The following ACOXL variants were observed in gnomAD, a reference collection of about 807,000 sequenced individuals.
ACOXL encodes acyl-CoA oxidase like.
A neutral mutation model predicts 71.9 loss-of-function variants in ACOXL; 70 were observed. That is an observed-to-expected ratio of 0.97 (90% CI 0.80 to 1.19). The LOEUF is 1.19. Among genes scored for constraint, ACOXL ranks in the 50% most tolerant of loss-of-function variants. ACOXL has a pLI of 0.00. For missense variants in ACOXL, 703 were observed against 736.3 expected, an observed-to-expected ratio of 0.95 and a Z score of 0.52; for synonymous variants, 253 against 281.6, an observed-to-expected ratio of 0.90 and a Z score of 1.02.
intron 11 of ACOXL, among the ~76,000 whole-genome samples, chr2:110,922,349 A>G (rs1432669910): frequency 1.3e-5 from 2 of 152,144 alleles, no homozygotes; most frequent in Non-Finnish European, 2.9e-5. Flanking sequence ...TGATGATGAA[A>G]CCGGAAAATT....
At chr2:110,823,771 C>T (rs1299311921) in intron 9 of ACOXL, among the ~76,000 whole-genome samples, 1 of 152,176 alleles carries the variant, frequency 6.6e-6, no homozygotes, top group Admixed American at 6.5e-5. Flanking sequence ...ATATTTTTGG[C>T]AAGTATCTGT....
At chr2:111,033,431 G>A (rs1015322465) in intron 15 of ACOXL, among the ~76,000 whole-genome samples, 1 of 152,090 alleles carries the variant, frequency 6.6e-6, no homozygotes, top group Non-Finnish European at 1.5e-5. Flanking sequence ...TCTGTTCTAC[G>A]AGCATATCTT....
chr2:111,105,335 T>C (rs904099097), intron 17 of ACOXL, among the ~76,000 whole-genome samples: 1 of 152,178 alleles, frequency 6.6e-6, no homozygotes, highest in Non-Finnish European at 1.5e-5. Flanking sequence ...TTTATAGAAA[T>C]TTTAGGATAA....
At chr2:111,016,368 C>T (rs1376682240) in intron 14 of ACOXL, 1 of 152,130 alleles carries the variant, frequency 6.6e-6, no homozygotes, top group African/African-American at 2.4e-5. Flanking sequence ...GGCATATGTG[C>T]ATGTAAGGAA....
intron 16 of ACOXL, among the ~76,000 whole-genome samples, chr2:111,079,789 A>G (rs1167415154): frequency 6.6e-6 from 1 of 151,568 alleles, no homozygotes; most frequent in African/African-American, 2.4e-5. Context: ...ACCCAGAACC[A>G]GAGCCCATAG....
At chr2:111,019,082 TC>T (rs1194704831) in intron 14 of ACOXL, among the ~76,000 whole-genome samples, 2 of 152,200 alleles carry the variant, frequency 1.3e-5, no homozygotes, top group Non-Finnish European at 2.9e-5. Flanking sequence ...CTTTAAGCAG[TC>T]ACTAAGGGCA....
At chr2:110,893,891 A>T (rs1449577175) in intron 10 of ACOXL, among the ~76,000 whole-genome samples, 2 of 152,174 alleles carry the variant, frequency 1.3e-5, no homozygotes, top group Non-Finnish European at 2.9e-5. Flanking sequence ...TTAAATTAGT[A>T]GTACATCTTT....
rs1348310639 is a variant in ACOXL at position 111,001,414 on chromosome 2, A to G, written c.1281+5410A>G. Among the ~76,000 whole-genome samples, 6 of 152,060 alleles carry G rather than the reference A, an allele frequency of 3.9e-5. No individual in the cohort carries two copies. The East Asian group carries it at 1.2e-3, about 29-fold the overall frequency. The stretch of plus-strand genomic sequence containing the variant: ...AAACAAAACAAAACAAAACAAAACA[A>G]AAAAACCCTAGCTATAAACAAGTGC... On this transcript the variant is annotated intron_variant, in intron 14 of 17. Transcript: ENST00000439055.
chr2:110,871,740 G>C (rs934522627), intron 10 of ACOXL, among the ~76,000 whole-genome samples: 9 of 152,306 alleles, frequency 5.9e-5, no homozygotes, highest in African/African-American at 1.9e-4. Context: ...TCAGAGATGA[G>C]AGCGCCATAG....
At chr2:111,042,533 A>G (rs2065832625) in intron 15 of ACOXL, among the ~76,000 whole-genome samples, 2 of 152,200 alleles carry the variant, frequency 1.3e-5, no homozygotes, top group Non-Finnish European at 2.9e-5. Flanking sequence ...AGTGGACAGA[A>G]GTGGAGGTGG....
intron 17 of ACOXL, chr2:111,094,451 C>A (rs2068700724): frequency 6.6e-6 from 1 of 152,156 alleles, no homozygotes; most frequent in South Asian, 2.1e-4. Context: ...ATGGAAAGTC[C>A]AAGGTCAAGG....
chr2:110,855,927 G>T (rs1216261025), intron 10 of ACOXL, among the ~76,000 whole-genome samples: 1 of 152,090 alleles, frequency 6.6e-6, no homozygotes, highest in Non-Finnish European at 1.5e-5. Flanking sequence ...CTGCTGGCTG[G>T]GGTGGCCAGC....
At chr2:110,955,933 ATTTTTTTTT>A (rs67285328) in intron 12 of ACOXL, among the ~76,000 whole-genome samples, 1 of 101,780 alleles carries the variant, frequency 9.8e-6, no homozygotes, top group African/African-American at 3.8e-5. Flanking sequence ...CTTGCCACAG[ATTTTTTTTT>A]TTTTTTTTTT....
chr2:110,995,223 G>A (rs559696199), intron 13 of ACOXL, among the ~76,000 whole-genome samples: 1 of 151,914 alleles, frequency 6.6e-6, no homozygotes, highest in African/African-American at 2.4e-5. Flanking sequence ...ATGGGGGCCA[G>A]GCACAGTGGC....
intron 1 of ACOXL, among the ~76,000 whole-genome samples, chr2:110,739,535 A>G (rs1421189220): frequency 2.0e-5 from 3 of 152,228 alleles, no homozygotes; most frequent in South Asian, 2.1e-4. Context: ...GCCACCCCAC[A>G]TGATTGGCTG....
At chr2:111,077,170 A>T (rs923067574) in intron 16 of ACOXL, among the ~76,000 whole-genome samples, 1 of 152,334 alleles carries the variant, frequency 6.6e-6, no homozygotes, top group Middle Eastern at 3.4e-3. Context: ...GAATTACTTG[A>T]ACATTCTTTA....
At chr2:110,942,446 G>A (rs1274499370) in intron 12 of ACOXL, among the ~76,000 whole-genome samples, 1 of 152,184 alleles carries the variant, frequency 6.6e-6, no homozygotes, top group African/African-American at 2.4e-5. Flanking sequence ...CGATTTCAGA[G>A]CAAAGAATAT....
chr2:110,801,156 C>T (rs1685943101), intron 7 of ACOXL, among the ~76,000 whole-genome samples: 1 of 152,298 alleles, frequency 6.6e-6, no homozygotes, highest in African/African-American at 2.4e-5. Context: ...TTCCTGCTGT[C>T]CTTGTGGCTA....
intron 15 of ACOXL, among the ~76,000 whole-genome samples, chr2:111,047,365 A>G (rs1407962088): frequency 1.3e-5 from 2 of 152,172 alleles, no homozygotes; most frequent in African/African-American, 4.8e-5. Context: ...AAGTGTTTCA[A>G]TTTCCCTGAC....
Sources: allele counts gnomAD v4.1 joint callset (sites outside exome capture counted in the v4.1 genomes callset), GRCh38; gene constraint gnomAD v4.1.1; transcripts MANE v1.5; gene names NCBI Gene and HGNC (gene_info 2026-07-23, HGNC 2026-07-21).